ZNF69: variants seen among roughly 807,000 people sequenced by gnomAD.
ZNF69 encodes the protein ZNF3.
A neutral mutation model predicts 50.9 loss-of-function variants in ZNF69; 47 were observed. The ratio of observed to expected loss-of-function variants is 0.92; its 90% CI spans 0.73 to 1.18. ZNF69 has a LOEUF of 1.18. Ranked by LOEUF, ZNF69 falls within the 50% of genes most tolerant of loss-of-function variation. The pLI is 0.00. For missense variants in ZNF69, 717 were observed against 675.1 expected, an observed-to-expected ratio of 1.06 and a Z score of -0.69; for synonymous variants, 216 against 223.1, an observed-to-expected ratio of 0.97 and a Z score of 0.29.
chr19:11,901,956 G>C (rs1972253145), intron 1 of ZNF69, among the ~76,000 whole-genome samples: 1 of 148,970 alleles, frequency 6.7e-6, no homozygotes, highest in Non-Finnish European at 1.5e-5. Context: ...GCATGTTGTA[G>C]TATAGGCCAA....
the ZNF69 span, chr19:11,979,374 G>A: frequency 3.7e-6 from 6 of 1,610,744 alleles, no homozygotes; most frequent in Non-Finnish European, 5.1e-6. Context: ...AAGGAATGTG[G>A]GAAAGCCTTC....
the ZNF69 span, among the ~76,000 whole-genome samples, chr19:11,929,883 T>C: frequency 6.7e-6 from 1 of 148,440 alleles, no homozygotes; most frequent in Non-Finnish European, 1.5e-5. Flanking sequence ...TCCTTTTATC[T>C]TTCCTAGACA....
Position 11,905,639 on chromosome 19 carries a change from A to C in ZNF69, c.1242A>C (p.Lys414Asn). ...RYHERIHTGE[K>N]PYECKQCGKA... ...ATGAAAGGATTCACACTGGAGAGAA[A>C]CCCTATGAGTGTAAGCAATGTGGGA... The change falls in exon 4 of 4, where the codon AAA (lysine) becomes AAC (asparagine). Residue 414 changes from lysine to asparagine, a missense_variant. Transcript: ENST00000429654. 1 of 1,613,954 alleles carries C rather than the reference A, an allele frequency of 6.2e-7. No individual in the cohort carries two copies. The highest frequency in any genetic ancestry group is 1.1e-5 in the South Asian group (1 of 91,072).
At chr19:11,955,466 T>C in the ZNF69 span, among the ~76,000 whole-genome samples, 1 of 151,248 alleles carries the variant, frequency 6.6e-6, no homozygotes, top group Non-Finnish European at 1.5e-5. Context: ...CAATCTCAGC[T>C]CACTGCAGCC....
At chr19:11,951,897 A>G in the ZNF69 span, among the ~76,000 whole-genome samples, 1 of 152,214 alleles carries the variant, frequency 6.6e-6, no homozygotes, top group African/African-American at 2.4e-5. Flanking sequence ...GGCCTTGGCC[A>G]GACACTGTGG....
At chr19:11,972,294 A>G in the ZNF69 span, among the ~76,000 whole-genome samples, 1 of 152,012 alleles carries the variant, frequency 6.6e-6, no homozygotes, top group African/African-American at 2.4e-5. Flanking sequence ...CTGTTTCAGA[A>G]AAAAAAAGGG....
the ZNF69 span, chr19:11,925,016 T>A: frequency 9.6e-6 from 5 of 521,574 alleles, no homozygotes; most frequent in African/African-American, 4.4e-5. Flanking sequence ...GTCACTCAGA[T>A]GTGGGGGGCG....
chr19:11,980,205 C>G, the ZNF69 span: 11 of 461,182 alleles, frequency 2.4e-5, no homozygotes, highest in East Asian at 5.8e-4. Flanking sequence ...TATGATGAAA[C>G]CCCTGTCTCT....
At chr19:11,968,448 C>G in the ZNF69 span, among the ~76,000 whole-genome samples, 1 of 152,058 alleles carries the variant, frequency 6.6e-6, no homozygotes, top group African/African-American at 2.4e-5. Context: ...CGATATGTTG[C>G]TCAGGCTGGT....
the ZNF69 span, among the ~76,000 whole-genome samples, chr19:11,922,749 T>C: frequency 6.6e-6 from 1 of 152,144 alleles, no homozygotes; most frequent in South Asian, 2.1e-4. Context: ...CCACCTGCTG[T>C]GTTTTACAAT....
chr19:11,909,656 A>T (rs1043449730), downstream of ZNF69, among the ~76,000 whole-genome samples: 2 of 152,226 alleles, frequency 1.3e-5, no homozygotes, highest in African/African-American at 4.8e-5. Flanking sequence ...CTGGGTATTG[A>T]TGGGATGTAT....
At chr19:11,950,342 G>T in the ZNF69 span, 1 of 1,319,748 alleles carries the variant, frequency 7.6e-7, no homozygotes, top group South Asian at 1.3e-5. Flanking sequence ...ACATTTTCCA[G>T]TTCTTTTCGA....
the ZNF69 span, among the ~76,000 whole-genome samples, chr19:11,954,609 T>A: frequency 6.6e-6 from 1 of 152,090 alleles, no homozygotes; most frequent in Non-Finnish European, 1.5e-5. Flanking sequence ...GGCAGGAGGA[T>A]CACTTGAGCC....
In ZNF69 at chr19:11,905,144, A is replaced by G; in HGVS notation, c.747A>G (p.Glu249=). The G allele has an allele frequency of 6.2e-7, 1 of 1,614,102 alleles. No homozygotes were observed. Among genetic ancestry groups the G allele is most frequent in the East Asian group, 2.2e-5 (1 of 44,856 alleles). ...ERIHTGEKPY[E]CKQCGKSFSY... is the part of the protein sequence containing the mutation. ...TTCACACTGGAGAGAAACCATATGA[A>G]TGTAAACAATGTGGTAAATCCTTTA... The change falls in exon 4 of 4, where the codon GAA becomes GAG. Residue 249 remains glutamate (E), a synonymous_variant. Coordinates refer to ENST00000429654, the MANE Select transcript of ZNF69 (RefSeq NM_001364730.1).
intron 4 of ZNF69, among the ~76,000 whole-genome samples, chr19:11,912,741 T>A (rs1972475564): frequency 6.6e-6 from 1 of 152,072 alleles, no homozygotes; most frequent in South Asian, 2.1e-4. Context: ...CCTCACACCT[T>A]CAAATGTATG....
intron 1 of ZNF69, among the ~76,000 whole-genome samples, chr19:11,891,484 A>T (rs1977087368): frequency 6.6e-6 from 1 of 152,098 alleles, no homozygotes; most frequent in African/African-American, 2.4e-5. Flanking sequence ...TCTCTGTTAC[A>T]GAGTAGGGCA....
At chr19:11,951,606 C>G in the ZNF69 span, among the ~76,000 whole-genome samples, 1 of 152,124 alleles carries the variant, frequency 6.6e-6, no homozygotes, top group Non-Finnish European at 1.5e-5. Flanking sequence ...CCCAAAACCA[C>G]CAGTGCCATA....
the ZNF69 span, among the ~76,000 whole-genome samples, chr19:11,962,784 T>C: frequency 1.3e-5 from 2 of 152,304 alleles, no homozygotes; most frequent in Admixed American, 6.5e-5. Flanking sequence ...GAAACAAATA[T>C]GAGGAAGGTC....
rs1599340804 is a variant in ZNF69, at chr19:11,889,889, G to T, written c.63+1903G>T. On this transcript the variant is annotated intron_variant, in intron 1 of 3. Coordinates refer to ENST00000429654, the MANE Select transcript of ZNF69 (RefSeq NM_001364730.1). ...GTCAGCAGGGAATCATGTGAGCAAA[G>T]GAACCTGTATCATGAATAAGTTCAA... is the stretch of plus-strand genomic sequence containing the variant. Among the ~76,000 whole-genome samples, 8 of 152,298 alleles carry T rather than the reference G, an allele frequency of 5.3e-5. No homozygotes were observed. In the South Asian group the frequency reaches 1.7e-3, roughly 32 times the overall value.
Sources: allele counts gnomAD v4.1 joint callset (sites outside exome capture counted in the v4.1 genomes callset), GRCh38; gene constraint gnomAD v4.1.1; transcripts MANE v1.5; gene names NCBI Gene and HGNC (gene_info 2026-07-23, HGNC 2026-07-21).